Variants in TMEM202 observed in about 807,000 individuals in gnomAD.
The protein encoded by TMEM202 is transmembrane protein 202.
In TMEM202, 25 loss-of-function variants were observed where a neutral mutation model predicts 26.1. The observed-to-expected ratio is 0.96, with a 90% CI of 0.70 to 1.34. The LOEUF (loss-of-function observed/expected upper bound fraction) is 1.34. Among genes scored for constraint, TMEM202 ranks in the 40% most tolerant of loss-of-function variants. The probability of loss-of-function intolerance (pLI) is 0.00; values close to 1 mark genes in which losing one functional copy is unlikely to be tolerated. For missense variants in TMEM202, 301 were observed against 327.7 expected (o/e 0.92, Z 0.63); for synonymous variants, 122 against 119.0 (o/e 1.02, Z -0.16).
intron 3 of TMEM202, 53 bp downstream of exon 3, chr15:72,406,804 C>T (rs773415964): frequency 5.7e-6 from 9 of 1,578,348 alleles, no homozygotes; most frequent in Non-Finnish European, 7.8e-6. Context: ...GTCAAGGTAA[C>T]AAATTTTCTC....
Position 72,407,742 on chromosome 15 carries a change from A to G in TMEM202, c.671A>G (p.Glu224Gly). The G allele has an allele frequency of 6.2e-7, 1 of 1,614,012 alleles. No individual in the cohort carries two copies. The highest frequency in any genetic ancestry group is 8.5e-7 in the Non-Finnish European group (1 of 1,179,924). Residue 224 changes from glutamate to glycine, a missense_variant, in exon 5 of 5, where the codon GAA becomes GGA. Transcript: ENST00000341689. ...YLTSRSPACD[E>G]NVTVIPTERS... is the part of the protein sequence containing the mutation. ...ACTTCCAGATCGCCTGCCTGTGATG[A>G]AAACGTCACTGTGATTCCAACAGAG...
chr15:72,398,643 A>T lies in TMEM202; in HGVS notation c.82-10A>T, dbSNP rs1309010108. 6.2e-7 allele frequency: 1 copy of T among 1,613,096 alleles called. No individual in the cohort carries two copies. Among genetic ancestry groups the T allele is most frequent in the Non-Finnish European group, 8.5e-7 (1 of 1,179,282 alleles). ...CTTTCGGGTAGGCAATATTTCCCTC[A>T]TCCTTGTAGCCTACCGTCCCTGCCA... is the stretch of plus-strand genomic sequence containing the variant. On this transcript the variant is annotated splice_polypyrimidine_tract_variant and intron_variant, in intron 1 of 4. Transcript: ENST00000341689.
chr15:72,399,027 C>A, intron 2 of TMEM202, 119 bp downstream of exon 2: 2 of 1,182,356 alleles, frequency 1.7e-6, no homozygotes, highest in Non-Finnish European at 2.4e-6. Flanking sequence ...TCTCCAAGTG[C>A]AGGATGGATC....
chr15:72,398,485 A>T (rs2063531899), intron 1 of TMEM202, 78 bp downstream of exon 1: 1 of 1,437,036 alleles, frequency 7.0e-7, no homozygotes, highest in Non-Finnish European at 9.4e-7. Context: ...AGCATCCTAA[A>T]GACAGAAAAG....
chr15:72,400,593 C>G (rs1343946576), intron 2 of TMEM202, among the ~76,000 whole-genome samples: 2 of 152,116 alleles, frequency 1.3e-5, no homozygotes, highest in Non-Finnish European at 2.9e-5. Flanking sequence ...AAATTTCATC[C>G]TTAAGATTAT....
intron 2 of TMEM202, among the ~76,000 whole-genome samples, chr15:72,401,177 T>C (rs922410367): frequency 6.6e-6 from 1 of 152,148 alleles, no homozygotes; most frequent in Non-Finnish European, 1.5e-5. Flanking sequence ...TGACCTCCTA[T>C]CATTCAGTGA....
chr15:72,406,880 C>A, intron 3 of TMEM202, 129 bp downstream of exon 3: 1 of 1,204,234 alleles, frequency 8.3e-7, no homozygotes. Context: ...AACTTGCCAG[C>A]TATCTGCCTT....
At chr15:72,399,320 AT>A (rs1044190385) in intron 2 of TMEM202, among the ~76,000 whole-genome samples, 3 of 151,600 alleles carry the variant, frequency 2.0e-5, no homozygotes, top group African/African-American at 7.3e-5. Flanking sequence ...ATTTTTTTAA[AT>A]TTTTTTTTCT....
chr15:72,402,428 G>C (rs2063551951), intron 2 of TMEM202, among the ~76,000 whole-genome samples: 1 of 152,180 alleles, frequency 6.6e-6, no homozygotes, highest in Admixed American at 6.5e-5. Context: ...GAATGTGCAT[G>C]CTCATATTCC....
At chr15:72,404,382 T>G (rs960368649) in intron 2 of TMEM202, among the ~76,000 whole-genome samples, 1 of 151,860 alleles carries the variant, frequency 6.6e-6, no homozygotes, top group African/African-American at 2.4e-5. Flanking sequence ...GCTACTGCAC[T>G]CCAGCCTGGG....
At position 72,398,696 on chromosome 15, in the gene TMEM202, G is replaced by GC; in HGVS notation, c.127dup (p.Gln43ProfsTer23). On this transcript the variant is annotated frameshift_variant, in exon 2 of 5. Transcript: ENST00000341689. LOFTEE classifies it high-confidence loss of function. ...AAACATCCAAGTGCCTCGATGTCAT[G>GC]CCAAAGGCAGCAGCAGCTTATGGAT... The GC allele has an allele frequency of 6.2e-7, 1 of 1,614,150 alleles. No homozygotes were observed. Among genetic ancestry groups the GC allele is most frequent in the Non-Finnish European group, 8.5e-7 (1 of 1,180,020 alleles).
chr15:72,398,610 G>A (rs374811311), intron 1 of TMEM202, 43 bp from the exon 2 acceptor site: 10 of 1,607,952 alleles, frequency 6.2e-6, no homozygotes, highest in African/African-American at 4.0e-5. Context: ...TGGGGATCAG[G>A]GGTTATTCTT....
At position 72,407,682 on chromosome 15, in the gene TMEM202, T is replaced by C; in HGVS notation, c.620-9T>C. On this transcript the variant is annotated splice_polypyrimidine_tract_variant and intron_variant, in intron 4 of 4. Transcript: ENST00000341689. Reference sequence around the variant, plus strand: ...TTGAACCTCACCTCAAATTATTCCCTTCCCGTAGGGATCATCTCTCTTCTC... The same window carrying C: ...TTGAACCTCACCTCAAATTATTCCCCTCCCGTAGGGATCATCTCTCTTCTC... 1 of 1,613,594 alleles carries C rather than the reference T, an allele frequency of 6.2e-7. No homozygotes were observed. The highest frequency in any genetic ancestry group is 8.5e-7 in the Non-Finnish European group (1 of 1,179,520).
intron 2 of TMEM202, among the ~76,000 whole-genome samples, chr15:72,403,021 T>C (rs756251253): frequency 3.9e-5 from 6 of 152,166 alleles, no homozygotes; most frequent in Non-Finnish European, 8.8e-5. Flanking sequence ...TTTGGCTAAA[T>C]AAGTGAGCTG....
intron 3 of TMEM202, 149 bp downstream of exon 3, chr15:72,406,900 T>C (rs1291401064): frequency 1.7e-6 from 2 of 1,169,268 alleles, no homozygotes; most frequent in South Asian, 1.5e-5. Flanking sequence ...TATCTAATTA[T>C]ATAGAACACA....
At chr15:72,404,544 A>G (rs2063562815) in intron 2 of TMEM202, among the ~76,000 whole-genome samples, 1 of 152,200 alleles carries the variant, frequency 6.6e-6, no homozygotes, top group South Asian at 2.1e-4. Flanking sequence ...CAAGCCAGCC[A>G]GTCACTCAGA....
At chr15:72,404,134 C>T (rs185789293) in intron 2 of TMEM202, among the ~76,000 whole-genome samples, 37 of 152,266 alleles carry the variant, frequency 2.4e-4, no homozygotes, top group African/African-American at 8.9e-4. Flanking sequence ...GAAGAATCTG[C>T]CAGGTGTGGT....
chr15:72,406,768 G>T lies in TMEM202; in HGVS notation c.487+17G>T. Reference sequence around the variant, plus strand: ...TCATCTCAGGTACAGACCTAGACTGGCAGGGTATTTTACCATGGTAAAATA... The same window carrying T: ...TCATCTCAGGTACAGACCTAGACTGTCAGGGTATTTTACCATGGTAAAATA... On this transcript the variant is annotated intron_variant, in intron 3 of 4. Transcript: ENST00000341689. 1.2e-6 allele frequency: 2 copies of T among 1,611,984 alleles called. No homozygotes were observed. Among genetic ancestry groups the T allele is most frequent in the Non-Finnish European group, 1.7e-6 (2 of 1,179,242 alleles).
At chr15:72,398,447 G>T in intron 1 of TMEM202, 40 bp downstream of exon 1, 2 of 1,550,028 alleles carry the variant, frequency 1.3e-6, no homozygotes, top group South Asian at 1.2e-5. Flanking sequence ...GGGAAGAAGA[G>T]AACTTACTTA....
Sources: allele counts gnomAD v4.1 joint callset (sites outside exome capture counted in the v4.1 genomes callset), GRCh38; gene constraint gnomAD v4.1.1; transcripts MANE v1.5; gene names NCBI Gene and HGNC (gene_info 2026-07-23, HGNC 2026-07-21).